The following EPHB1 variants were observed in gnomAD, a reference collection of about 807,000 sequenced individuals.
EPHB1 encodes the protein EPH receptor B1.
A neutral mutation model predicts 94.4 loss-of-function variants in EPHB1; 30 were observed. The ratio of observed to expected loss-of-function variants is 0.32; its 90% CI spans 0.24 to 0.43. The LOEUF (loss-of-function observed/expected upper bound fraction) is 0.43, where lower values mean the gene tolerates loss of function less well. Ranked by LOEUF, EPHB1 falls within the 20% of genes least tolerant of loss-of-function variation. The pLI is 1.00. For missense variants in EPHB1, 1,055 were observed against 1,308.3 expected (o/e 0.81, Z 2.99); for synonymous variants, 522 against 489.1 (o/e 1.07, Z -0.89).
intron 12 of EPHB1, among the ~76,000 whole-genome samples, chr3:135,207,410 TTGAG>T (rs1465521458): frequency 2.7e-5 from 4 of 150,468 alleles, no homozygotes; most frequent in African/African-American, 9.8e-5. Context: ...CAAATATTTA[TTGAG>T]TATCTACTAT....
intron 12 of EPHB1, among the ~76,000 whole-genome samples, chr3:135,235,098 C>T (rs1943618808): frequency 1.3e-5 from 2 of 152,134 alleles, no homozygotes; most frequent in African/African-American, 4.8e-5. Flanking sequence ...TTTGTTAGTG[C>T]CTTGAGTATT....
chr3:134,845,921 T>C (rs1202378832), intron 1 of EPHB1, among the ~76,000 whole-genome samples: 1 of 152,076 alleles, frequency 6.6e-6, no homozygotes, highest in Non-Finnish European at 1.5e-5. Flanking sequence ...CTCTGGCCCC[T>C]CTGCTTACAC....
intron 5 of EPHB1, among the ~76,000 whole-genome samples, chr3:135,149,564 A>G (rs1390953595): frequency 6.6e-6 from 1 of 152,218 alleles, no homozygotes; most frequent in Non-Finnish European, 1.5e-5. Context: ...AAAACAACAG[A>G]TCAAGAGGTG....
chr3:134,991,645 G>A (rs759002597), intron 3 of EPHB1, among the ~76,000 whole-genome samples: 4 of 152,128 alleles, frequency 2.6e-5, no homozygotes, highest in Non-Finnish European at 5.9e-5. Flanking sequence ...TTGCCCCAGT[G>A]CAAACACTCT....
intron 2 of EPHB1, among the ~76,000 whole-genome samples, chr3:134,937,024 A>C (rs1206381575): frequency 6.6e-6 from 1 of 152,164 alleles, no homozygotes; most frequent in Non-Finnish European, 1.5e-5. Context: ...CACTGTGTGC[A>C]TTGCTGGCCT....
intron 3 of EPHB1, among the ~76,000 whole-genome samples, chr3:135,039,210 C>G (rs1192433709): frequency 6.6e-6 from 1 of 151,510 alleles, no homozygotes; most frequent in Admixed American, 6.6e-5. Flanking sequence ...AGGTTCTCCA[C>G]GTCCTCACCA....
chr3:134,983,590 G>A (rs1934491180), intron 3 of EPHB1, among the ~76,000 whole-genome samples: 1 of 152,264 alleles, frequency 6.6e-6, no homozygotes. Flanking sequence ...GCAGGACAGA[G>A]TGCCTGAGAG....
At chr3:134,944,934 A>G (rs1364705579) in intron 2 of EPHB1, among the ~76,000 whole-genome samples, 2 of 152,206 alleles carry the variant, frequency 1.3e-5, no homozygotes, top group South Asian at 2.1e-4. Context: ...ACAGTGTGCT[A>G]TCACACTTTT....
At chr3:135,156,908 G>T (rs983385671) in intron 6 of EPHB1, among the ~76,000 whole-genome samples, 2 of 152,106 alleles carry the variant, frequency 1.3e-5, no homozygotes, top group Non-Finnish European at 2.9e-5. Flanking sequence ...CCTAACAAGG[G>T]TCCACCCAGT....
intron 3 of EPHB1, among the ~76,000 whole-genome samples, chr3:135,083,572 C>A (rs1938236107): frequency 6.6e-6 from 1 of 151,646 alleles, no homozygotes; most frequent in Admixed American, 6.6e-5. Flanking sequence ...GCAGAAATGG[C>A]ATGAAATGAG....
chr3:135,118,001 G>T (rs1487865491), intron 4 of EPHB1, among the ~76,000 whole-genome samples: 1 of 152,218 alleles, frequency 6.6e-6, no homozygotes, highest in Non-Finnish European at 1.5e-5. Context: ...GCCATGCCCT[G>T]CCAGTACTCC....
chr3:134,842,798 C>T (rs1004283425), intron 1 of EPHB1, among the ~76,000 whole-genome samples: 17 of 152,122 alleles, frequency 1.1e-4, no homozygotes, highest in Non-Finnish European at 2.2e-4. Context: ...ATGAATGGGA[C>T]GGTTCAAGTG....
rs11924243 is a variant in EPHB1, at chr3:134,946,110, C to T, written c.124-5261C>T. On this transcript the variant is annotated intron_variant, in intron 2 of 15. Coordinates refer to ENST00000398015, the MANE Select transcript of EPHB1 (RefSeq NM_004441.5). ...GTCTAGAGATTCTCCCCTAAAGCAT[C>T]GTTCCAGTTTTTGCTGGTCTGTTCC... is the stretch of plus-strand genomic sequence containing the variant. 6.8e-3 allele frequency among the ~76,000 whole-genome samples: 1,030 copies of T among 152,308 alleles called. 5 individuals carry two copies. The highest frequency in any genetic ancestry group is 0.023 in the African/African-American group (970 of 41,566).
intron 6 of EPHB1, among the ~76,000 whole-genome samples, chr3:135,161,040 G>A (rs551822311): frequency 2.0e-5 from 3 of 152,292 alleles, no homozygotes; most frequent in South Asian, 2.1e-4. Flanking sequence ...GAAGTGTGGC[G>A]TTGGGTGGGG....
intron 4 of EPHB1, among the ~76,000 whole-genome samples, chr3:135,109,815 G>A (rs1939370640): frequency 6.6e-6 from 1 of 152,192 alleles, no homozygotes; most frequent in African/African-American, 2.4e-5. Flanking sequence ...CAAGAAGCTG[G>A]GCAGGAGCAA....
chr3:134,967,759 T>G (rs1933818793), intron 3 of EPHB1, among the ~76,000 whole-genome samples: 1 of 152,174 alleles, frequency 6.6e-6, no homozygotes, highest in Non-Finnish European at 1.5e-5. Flanking sequence ...CAACAGAAAA[T>G]GGACTAAGAC....
intron 3 of EPHB1, among the ~76,000 whole-genome samples, chr3:134,995,457 A>T (rs1934958623): frequency 1.3e-5 from 2 of 152,176 alleles, no homozygotes; most frequent in South Asian, 4.1e-4. Context: ...TATAACATTC[A>T]TGTACATGTT....
intron 1 of EPHB1, among the ~76,000 whole-genome samples, chr3:134,851,303 T>C (rs551998606): frequency 1.1e-4 from 17 of 152,298 alleles, no homozygotes; most frequent in African/African-American, 3.4e-4. Context: ...CAGGCCTCCT[T>C]TGGGGTCTTA....
intron 1 of EPHB1, among the ~76,000 whole-genome samples, chr3:134,861,818 A>G (rs2037266379): frequency 6.6e-6 from 1 of 152,172 alleles, no homozygotes; most frequent in South Asian, 2.1e-4. Context: ...CCACTATGGC[A>G]CACGTTGACC....
Sources: allele counts gnomAD v4.1 joint callset (sites outside exome capture counted in the v4.1 genomes callset), GRCh38; gene constraint gnomAD v4.1.1; transcripts MANE v1.5; gene names NCBI Gene and HGNC (gene_info 2026-07-23, HGNC 2026-07-21).